PAX5: variants seen among roughly 807,000 people sequenced by gnomAD.
PAX5 encodes the protein paired box protein Pax-5.
In PAX5, 9 loss-of-function variants were observed where a neutral mutation model predicts 43.7. The ratio of observed to expected loss-of-function variants is 0.21; its 90% CI spans 0.12 to 0.36. The LOEUF is 0.36. PAX5 is among the 10% of genes least tolerant of loss of function. The probability of loss-of-function intolerance (pLI) is 1.00; values close to 1 mark genes in which losing one functional copy is unlikely to be tolerated. For missense variants in PAX5, 383 were observed against 532.7 expected, an observed-to-expected ratio of 0.72 and a Z score of 2.77; for synonymous variants, 228 against 214.3, an observed-to-expected ratio of 1.06 and a Z score of -0.56.
intron 8 of PAX5, among the ~76,000 whole-genome samples, chr9:36,855,667 A>C (rs935566706): frequency 1.3e-5 from 2 of 152,022 alleles, no homozygotes; most frequent in Admixed American, 6.5e-5. Flanking sequence ...AAGGCCCTTC[A>C]GGGGCTGGTT....
At position 36,835,184 on chromosome 9, in the gene PAX5, G is replaced by A. The variant is rs866112292; in HGVS notation, c.*5376C>T. ...GAATTTCTGGGCTTTCTGAATGGTG[G>A]CTACGTTTACCCATCTTGGAGATGA... On this transcript the variant is annotated 3_prime_UTR_variant, in exon 10 of 10. Coordinates refer to ENST00000358127, the MANE Select transcript of PAX5 (RefSeq NM_016734.3). 9 of 233,308 alleles carry A rather than the reference G, an allele frequency of 3.9e-5. No homozygotes were observed. The highest frequency in any genetic ancestry group is 2.2e-4 in the Admixed American group (4 of 17,802). 14.5% of individuals were successfully genotyped at this position (233,308 alleles called of 1,614,324 possible). A position where few individuals can be genotyped will look rare whatever the true frequency, so the allele number is the denominator to read the frequency against.
chr9:37,006,788 C>G (rs1838436335), intron 3 of PAX5, among the ~76,000 whole-genome samples: 1 of 152,234 alleles, frequency 6.6e-6, no homozygotes, highest in Non-Finnish European at 1.5e-5. Flanking sequence ...TGCACCCCCT[C>G]TCTGGGCTTC....
chr9:36,998,790 A>G (rs1271076575), intron 5 of PAX5, among the ~76,000 whole-genome samples: 1 of 152,246 alleles, frequency 6.6e-6, no homozygotes, highest in East Asian at 1.9e-4. Flanking sequence ...ACATGTGTAA[A>G]ATACACACCA....
At position 36,836,692 on chromosome 9, in the gene PAX5, G is replaced by A. The variant is rs1821667763; in HGVS notation, c.*3868C>T. ...TTGAGATTGTGATCTGTGTTTCCAG[G>A]GGCTGTGGACACCCTGGTGGCCCTG... is the stretch of plus-strand genomic sequence containing the variant. On this transcript the variant is annotated 3_prime_UTR_variant, in exon 10 of 10. Transcript: ENST00000358127. 4.3e-6 allele frequency: 1 copy of A among 232,078 alleles called. No individual in the cohort carries two copies. The highest frequency in any genetic ancestry group is 2.2e-5 in the African/African-American group (1 of 45,270). 14.4% of individuals were successfully genotyped at this position (232,078 alleles called of 1,614,324 possible).
At chr9:36,897,674 G>A (rs527430981) in intron 7 of PAX5, among the ~76,000 whole-genome samples, 1 of 152,304 alleles carries the variant, frequency 6.6e-6, no homozygotes, top group South Asian at 2.1e-4. Flanking sequence ...CCTGATCCAG[G>A]TTTCCTTTCC....
chr9:36,872,703 G>A (rs117029939), intron 8 of PAX5, among the ~76,000 whole-genome samples: 2 of 152,272 alleles, frequency 1.3e-5, no homozygotes, highest in African/African-American at 4.8e-5. Context: ...TCACTTCCGT[G>A]CAGGGTTCCT....
chr9:36,839,740 C>T lies in PAX5; in HGVS notation c.*820G>A, dbSNP rs143245782. 5 of 233,402 alleles carry T rather than the reference C, an allele frequency of 2.1e-5. No individual in the cohort carries two copies. The highest frequency in any genetic ancestry group is 1.8e-4 in the South Asian group (1 of 5,530). The allele number at this position is 233,402 out of a possible 1,614,324, so 14.5% of individuals were successfully genotyped here. ...AAAGTCCACAATGTAATCAATACCT[C>T]GGATGACATTCTGCTTCGGAAAAGT... On this transcript the variant is annotated 3_prime_UTR_variant, in exon 10 of 10. Transcript: ENST00000358127.
rs531898847 is a variant in PAX5, at chr9:36,938,715, G to A, written c.781-15231C>T. Among the ~76,000 whole-genome samples, 3 of 152,258 alleles carry A rather than the reference G, an allele frequency of 2.0e-5. No homozygotes were observed. In the East Asian group the frequency reaches 5.8e-4, roughly 29 times the overall value. ...ATAACAGTAGGCTGGGAAAACCCAG[G>A]CAGGATCCTTCCTGCCACCCTCTGT... On this transcript the variant is annotated intron_variant, in intron 6 of 9. Transcript: ENST00000358127.
At chr9:36,920,362 G>T (rs972418224) in intron 7 of PAX5, among the ~76,000 whole-genome samples, 2 of 152,070 alleles carry the variant, frequency 1.3e-5, no homozygotes, top group African/African-American at 4.8e-5. Flanking sequence ...CTTCATCATT[G>T]TCTATTTTAA....
chr9:37,031,113 C>T (rs1840938230), intron 1 of PAX5, among the ~76,000 whole-genome samples: 1 of 152,244 alleles, frequency 6.6e-6, no homozygotes, highest in Admixed American at 6.5e-5. Context: ...TGACCTGTCC[C>T]TGTTTTCAGG....
At chr9:36,887,730 C>T (rs978893614) in intron 7 of PAX5, among the ~76,000 whole-genome samples, 3 of 152,096 alleles carry the variant, frequency 2.0e-5, no homozygotes, top group African/African-American at 4.8e-5. Flanking sequence ...ACCCTGGATT[C>T]GGCAATAGTT....
At chr9:37,018,070 C>T (rs1010628948) in intron 2 of PAX5, among the ~76,000 whole-genome samples, 27 of 152,188 alleles carry the variant, frequency 1.8e-4, no homozygotes, top group African/African-American at 4.8e-4. Flanking sequence ...GGCCAACTCA[C>T]TTAGCCTCTC....
chr9:36,980,746 A>T (rs1026941094), intron 5 of PAX5, among the ~76,000 whole-genome samples: 2 of 151,980 alleles, frequency 1.3e-5, no homozygotes, highest in Non-Finnish European at 2.9e-5. Context: ...CTATCCAGAG[A>T]AGGGGGCAGG....
At chr9:37,020,830 G>T in intron 1 of PAX5, 29 bp from the exon 2 acceptor site, 1 of 1,611,874 alleles carries the variant, frequency 6.2e-7, no homozygotes, top group Non-Finnish European at 8.5e-7. Flanking sequence ...AAAAGGAAAG[G>T]GAAAGGGTAG....
chr9:36,965,108 T>TA (rs1269346907), intron 6 of PAX5, among the ~76,000 whole-genome samples: 1 of 151,910 alleles, frequency 6.6e-6, no homozygotes, highest in African/African-American at 2.4e-5. Context: ...TCAGCATAAA[T>TA]ACCTTTCCCC....
chr9:36,878,034 C>A (rs1011576870), intron 8 of PAX5, among the ~76,000 whole-genome samples: 1 of 152,174 alleles, frequency 6.6e-6, no homozygotes, highest in African/African-American at 2.4e-5. Context: ...ATGCCGGGAA[C>A]GAACCACAAA....
chr9:36,850,268 T>C (rs1823029258), intron 8 of PAX5, among the ~76,000 whole-genome samples: 2 of 152,120 alleles, frequency 1.3e-5, no homozygotes, highest in African/African-American at 2.4e-5. Flanking sequence ...GACTGGTGAG[T>C]GCCAGAATCT....
At chr9:36,989,832 T>C (rs1317307040) in intron 5 of PAX5, among the ~76,000 whole-genome samples, 3 of 152,192 alleles carry the variant, frequency 2.0e-5, no homozygotes, top group Admixed American at 2.0e-4. Flanking sequence ...ATGGCCCCCA[T>C]TCGGTACATA....
At chr9:37,000,128 G>A (rs1429465661) in intron 5 of PAX5, among the ~76,000 whole-genome samples, 2 of 152,078 alleles carry the variant, frequency 1.3e-5, no homozygotes, top group African/African-American at 4.8e-5. Flanking sequence ...CTCCCCCTAG[G>A]GCCACTGCAG....
Sources: allele counts gnomAD v4.1 joint callset (sites outside exome capture counted in the v4.1 genomes callset), GRCh38; gene constraint gnomAD v4.1.1; transcripts MANE v1.5; gene names NCBI Gene and HGNC (gene_info 2026-07-23, HGNC 2026-07-21).